FDFT1: variants seen among roughly 807,000 people sequenced by gnomAD.
FDFT1 encodes farnesyl-diphosphate farnesyltransferase 1.
Under a neutral mutation model 46.8 loss-of-function variants are expected in FDFT1, and 68 were observed. That is an observed-to-expected ratio of 1.45 (90% confidence interval 1.19 to 1.78). FDFT1 has a LOEUF of 1.78. Among genes scored for constraint, FDFT1 ranks in the 40% most tolerant of loss-of-function variants. FDFT1 has a pLI of 0.00. For missense variants in FDFT1, 928 were observed against 524.4 expected (o/e 1.77, Z -7.52); for synonymous variants, 351 against 185.1 (o/e 1.90, Z -7.28).
At chr8:11,819,361 G>A (rs1032163705) in intron 3 of FDFT1, among the ~76,000 whole-genome samples, 9 of 152,140 alleles carry the variant, frequency 5.9e-5, no homozygotes, top group African/African-American at 2.2e-4. Context: ...TCTTTGTGGT[G>A]TTCTCTGTAT....
At chr8:11,808,927 A>G (rs778338450) in intron 2 of FDFT1, 36 bp downstream of exon 2, 11 of 1,602,804 alleles carry the variant, frequency 6.9e-6, no homozygotes, top group Non-Finnish European at 7.7e-6. Flanking sequence ...GCTTGGAGGA[A>G]AGCTTGTCCG....
At chr8:11,820,645 G>A (rs1421305048) in intron 3 of FDFT1, among the ~76,000 whole-genome samples, 1 of 152,224 alleles carries the variant, frequency 6.6e-6, no homozygotes, top group Non-Finnish European at 1.5e-5. Context: ...CTAGCAGCAA[G>A]CAAGGTTCCA....
chr8:11,801,351 C>G (rs983744170), upstream of FDFT1, among the ~76,000 whole-genome samples: 6 of 152,206 alleles, frequency 3.9e-5, no homozygotes, highest in African/African-American at 1.4e-4. Flanking sequence ...TGAAGTCTCG[C>G]TCTTGTCCCC....
chr8:11,800,795 G>A (rs1358400856), upstream of FDFT1, among the ~76,000 whole-genome samples: 2 of 152,162 alleles, frequency 1.3e-5, no homozygotes, highest in African/African-American at 2.4e-5. Flanking sequence ...CTAATTAAAT[G>A]GGGAGGAAAG....
At chr8:11,827,465 T>TGCAGG (rs1212893568) in intron 5 of FDFT1, among the ~76,000 whole-genome samples, 1,980 of 151,452 alleles carry the variant, frequency 0.013, 46 homozygotes, top group African/African-American at 0.045. Flanking sequence ...TTGGATTGAG[T>TGCAGG]TGTAATCACA....
chr8:11,808,699 G>T lies in FDFT1; in HGVS notation c.100-95G>T. The T allele has an allele frequency of 4.8e-6, 7 of 1,448,010 alleles. No individual in the cohort carries two copies. The South Asian group carries it at 9.1e-5, about 19-fold the overall frequency. 89.7% of individuals were successfully genotyped at this position (1,448,010 alleles called of 1,614,324 possible). ...GGAGAGGGCGGCAGGCTGTGGAGCC[G>T]CCTGCCCCAGTCCCACTCCCACTCC... On this transcript the variant is annotated intron_variant, in intron 1 of 7. Coordinates refer to ENST00000220584, the MANE Select transcript of FDFT1 (RefSeq NM_004462.5).
chr8:11,795,982 C>G (rs1418296161), exon 1 of FDFT1: 1 of 152,204 alleles, frequency 6.6e-6, no homozygotes, highest in African/African-American at 2.4e-5. Context: ...CAACCAATTC[C>G]GGACACACTT....
Position 11,838,749 on chromosome 8 carries a change from A to G in FDFT1, c.*140A>G. On this transcript the variant is annotated 3_prime_UTR_variant, in exon 8 of 8. Transcript: ENST00000220584. ...GCTGTGTGGCTGGGACCTTTAGGAA[A>G]GTGAAATGCAGGTGAGAAGAACCTA... The G allele has an allele frequency of 1.4e-6, 1 of 705,616 alleles. No homozygotes were observed. The highest frequency in any genetic ancestry group is 2.4e-6 in the Non-Finnish European group (1 of 409,752). The allele number at this position is 705,616 out of a possible 1,614,324, so 43.7% of individuals were successfully genotyped here. A position where few individuals can be genotyped will look rare whatever the true frequency, so the allele number is the denominator to read the frequency against.
At chr8:11,831,410 T>G (rs987645725) in intron 6 of FDFT1, 108 bp from the exon 7 acceptor site, 50 of 897,932 alleles carry the variant, frequency 5.6e-5, no homozygotes, top group Middle Eastern at 5.0e-4. Flanking sequence ...CTTAGTTGAT[T>G]AGCAGTTAGC....
At position 11,838,474 on chromosome 8, in the gene FDFT1, C is replaced by T. The variant is rs769678905; in HGVS notation, c.1119C>T (p.Asn373=). Residue 373 remains asparagine, a synonymous_variant, in exon 8 of 8, where the codon AAC becomes AAT. Coordinates refer to ENST00000220584, the MANE Select transcript of FDFT1 (RefSeq NM_004462.5). ...ISTIRTQNLP[N]CQLISRSHYS... The stretch of plus-strand genomic sequence containing the variant: ...CCATCCGGACGCAGAATCTTCCCAA[C>T]TGTCAGCTGATTTCCCGAAGCCACT... The T allele has an allele frequency of 5.0e-6, 8 of 1,606,264 alleles. No homozygotes were observed. The highest frequency in any genetic ancestry group is 2.7e-5 in the African/African-American group (2 of 74,752).
rs1196389208 is a variant in FDFT1, at chr8:11,810,254, G to C, written c.381+404G>C. Among the ~76,000 whole-genome samples, 5 of 152,182 alleles carry C rather than the reference G, an allele frequency of 3.3e-5. No individual in the cohort carries two copies. In the East Asian group the frequency reaches 7.7e-4, roughly 23 times the overall value. ...GAAGACGCAGTCAAATTTTAGTGTT[G>C]TGAAAGATTCTCAGGCTAGCTCACA... is the stretch of plus-strand genomic sequence containing the variant. On this transcript the variant is annotated intron_variant, in intron 3 of 7. Coordinates refer to ENST00000220584, the MANE Select transcript of FDFT1 (RefSeq NM_004462.5).
intron 1 of FDFT1, chr8:11,803,882 C>A (rs1348056801): frequency 6.5e-6 from 1 of 153,236 alleles, no homozygotes; most frequent in Admixed American, 6.4e-5. Context: ...ATCTTTAATA[C>A]AGGTACATCC....
chr8:11,836,561 C>T (rs1469101189), intron 7 of FDFT1, among the ~76,000 whole-genome samples: 1 of 152,240 alleles, frequency 6.6e-6, no homozygotes, highest in Non-Finnish European at 1.5e-5. Flanking sequence ...GATAGGCCTT[C>T]CTGCCTTCTG....
At chr8:11,820,352 C>T (rs759110555) in intron 3 of FDFT1, among the ~76,000 whole-genome samples, 6 of 152,176 alleles carry the variant, frequency 3.9e-5, no homozygotes, top group Non-Finnish European at 8.8e-5. Flanking sequence ...GTTCAAATGC[C>T]GAGCTGGGAG....
chr8:11,809,075 A>G, intron 2 of FDFT1, 184 bp downstream of exon 2: 1 of 1,290,476 alleles, frequency 7.7e-7, no homozygotes, highest in Non-Finnish European at 1.0e-6. Flanking sequence ...GCCATCTAGT[A>G]GAGTCCCTGC....
chr8:11,829,525 G>A (rs73207295), intron 5 of FDFT1, among the ~76,000 whole-genome samples: 2,007 of 152,310 alleles, frequency 0.013, 24 homozygotes, highest in Non-Finnish European at 0.02. Flanking sequence ...TTATTTAGAG[G>A]CCTGGCCATC....
chr8:11,822,022 C>G (rs73663014), intron 4 of FDFT1, 144 bp downstream of exon 4: 2 of 952,504 alleles, frequency 2.1e-6, no homozygotes, highest in South Asian at 1.6e-5. Flanking sequence ...AATGTCTCAT[C>G]ATAAACAGTT....
chr8:11,798,710 C>T (rs772508279), upstream of FDFT1, among the ~76,000 whole-genome samples: 2 of 152,178 alleles, frequency 1.3e-5, no homozygotes, highest in East Asian at 1.9e-4. Flanking sequence ...GTGTCCTATA[C>T]GCAGCTCAAT....
intron 7 of FDFT1, among the ~76,000 whole-genome samples, chr8:11,832,569 A>AAAAAAAAAAAC (rs1810960263): frequency 6.7e-6 from 1 of 149,298 alleles, no homozygotes; most frequent in Admixed American, 6.7e-5. Context: ...AAAAAAAAAA[A>AAAAAAAAAAAC]AAAAAAAGTC....
Sources: gnomAD v4.1 joint callset for allele counts (sites outside exome capture counted in the v4.1 genomes callset) on GRCh38, gnomAD v4.1.1 for gene constraint, MANE v1.5 for transcripts, NCBI Gene and HGNC (gene_info 2026-07-23, HGNC 2026-07-21) for gene names.